The following MCF2L variants were observed in gnomAD, a reference collection of about 807,000 sequenced individuals.
MCF2L encodes the protein MCF.2 cell line derived transforming sequence like.
In MCF2L, 97 loss-of-function variants were observed where a neutral mutation model predicts 153.4. The observed-to-expected ratio is 0.63, with a 90% CI of 0.54 to 0.75. The LOEUF (loss-of-function observed/expected upper bound fraction) is 0.75. MCF2L is among the 30% of genes least tolerant of loss of function. MCF2L has a pLI of 0.00. For missense variants in MCF2L, 1,347 were observed against 1,495.2 expected, an observed-to-expected ratio of 0.90 and a Z score of 1.64; for synonymous variants, 659 against 632.2, an observed-to-expected ratio of 1.04 and a Z score of -0.64.
intron 1 of MCF2L, chr13:113,001,848 T>TAGA (rs1202964302): frequency 4.4e-5 from 68 of 1,528,658 alleles, no homozygotes; most frequent in South Asian, 1.6e-4. Context: ...GCGCCATCCT[T>TAGA]TGTGTGCCCG....
intron 1 of MCF2L, among the ~76,000 whole-genome samples, chr13:112,982,202 C>G (rs1046355566): frequency 6.6e-6 from 1 of 152,206 alleles, no homozygotes; most frequent in African/African-American, 2.4e-5. Context: ...CAGAGAAGCC[C>G]CACGTACTCC....
intron 9 of MCF2L, among the ~76,000 whole-genome samples, chr13:113,071,376 A>C (rs773297387): frequency 4.6e-5 from 7 of 152,168 alleles, no homozygotes; most frequent in Non-Finnish European, 8.8e-5. Context: ...CCTCTTTAAC[A>C]GGGTTTTTCA....
intron 1 of MCF2L, among the ~76,000 whole-genome samples, chr13:113,006,063 C>G (rs551107388): frequency 1.3e-5 from 2 of 152,164 alleles, no homozygotes; most frequent in South Asian, 4.1e-4. Context: ...AATGGGAGGC[C>G]GTGCCCTGCC....
chr13:112,933,452 C>T (rs1477881446), intron 2 of MCF2L, among the ~76,000 whole-genome samples: 4 of 152,232 alleles, frequency 2.6e-5, no homozygotes, highest in East Asian at 3.8e-4. Flanking sequence ...GGTCCAGCCT[C>T]GTGCTGCCCG....
chr13:112,999,890 C>T (rs1483240926), intron 1 of MCF2L, among the ~76,000 whole-genome samples: 1 of 152,204 alleles, frequency 6.6e-6, no homozygotes, highest in Non-Finnish European at 1.5e-5. Context: ...CTGCAGGCCC[C>T]AGAGCACAGG....
intron 4 of MCF2L, among the ~76,000 whole-genome samples, chr13:113,048,953 C>T (rs1251875976): frequency 6.6e-6 from 1 of 152,156 alleles, no homozygotes; most frequent in African/African-American, 2.4e-5. Context: ...GGGGAGGGGG[C>T]AGAGTTAGGC....
chr13:113,091,271 G>T, intron 26 of MCF2L: 1 of 1,228,304 alleles, frequency 8.1e-7, no homozygotes, highest in Non-Finnish European at 1.1e-6. Flanking sequence ...TCAGGTGGCC[G>T]TCAAGGCCAC....
chr13:113,001,863 G>T, intron 1 of MCF2L: 2 of 1,552,220 alleles, frequency 1.3e-6, no homozygotes, highest in East Asian at 2.4e-5. Context: ...TGCCCGGGAA[G>T]GGCGTTCCGG....
At chr13:112,987,329 CAGGGCTCG>C (rs1354752145) in intron 1 of MCF2L, among the ~76,000 whole-genome samples, 1 of 18,378 alleles carries the variant, frequency 5.4e-5, no homozygotes, top group African/African-American at 1.1e-4. Flanking sequence ...GGACGCAGCC[CAGGGCTCG>C]TTGTCTGCCC....
In MCF2L at chr13:113,064,273, A is replaced by C; in HGVS notation, c.490-31A>C. On this transcript the variant is annotated intron_variant, in intron 5 of 29. Coordinates refer to ENST00000535094, the MANE Select transcript of MCF2L (RefSeq NM_001112732.3). This position sits in a 1 kb window ranked among gnomAD's most constrained non-coding sequence, Gnocchi z 6.0. ...CTTTTGGGAGCCAACAATAATCCCAAACACTACCACGCATTCCCTTTCTCC... is the reference window on the plus strand; with the variant it reads ...CTTTTGGGAGCCAACAATAATCCCACACACTACCACGCATTCCCTTTCTCC... 6.6e-7 allele frequency: 1 copy of C among 1,512,460 alleles called. No individual in the cohort carries two copies. Among genetic ancestry groups the C allele is most frequent in the Non-Finnish European group, 9.2e-7 (1 of 1,088,862 alleles). The allele number at this position is 1,512,460 out of a possible 1,614,324, so 93.7% of individuals were successfully genotyped here. A position where few individuals can be genotyped will look rare whatever the true frequency, so the allele number is the denominator to read the frequency against.
chr13:113,087,146 T>G, intron 21 of MCF2L, 89 bp from the exon 22 acceptor site: 1 of 1,180,196 alleles, frequency 8.5e-7, no homozygotes. Flanking sequence ...TGGGTGGGCT[T>G]TGCAGAGTGG....
intron 2 of MCF2L, among the ~76,000 whole-genome samples, chr13:112,946,165 A>G (rs990636990): frequency 3.9e-5 from 6 of 152,196 alleles, no homozygotes; most frequent in African/African-American, 1.4e-4. Context: ...TTTTTATTTG[A>G]AATGTCAAAA....
rs1437503981 is a variant in MCF2L at position 113,096,476 on chromosome 13, G to A, written c.3181G>A (p.Gly1061Ser). ...GGAGCTGGTGCAGGAGGGCGACGAG[G>A]GCCTCTGGTAAGACCCCGCGCTCAG... Reference protein sequence around the residue: ...VVELVQEGDEGLWYVRDPTTG... With the variant: ...VVELVQEGDESLWYVRDPTTG... Residue 1061 changes from glycine (G) to serine (S), a missense_variant, in exon 28 of 30, where the codon GGC becomes AGC. By Grantham distance (56) the Gly-to-Ser change is moderately conservative. Transcript: ENST00000535094. The A allele has an allele frequency of 6.3e-7, 1 of 1,588,342 alleles. No homozygotes were observed. The highest frequency in any genetic ancestry group is 2.3e-5 in the East Asian group (1 of 43,600).
At position 113,052,171 on chromosome 13, in the gene MCF2L, G is replaced by A. The variant is rs563900422; in HGVS notation, c.369+6810G>A. Among the ~76,000 whole-genome samples the A allele has an allele frequency of 3.9e-5, 6 of 152,322 alleles. No homozygotes were observed. In the South Asian group the frequency reaches 6.2e-4, roughly 16 times the overall value. ...ATAGCAAAACATCACTGGGTGCCCC[G>A]TAAGTAGATACAATCATGATTTGTC... is the stretch of plus-strand genomic sequence containing the variant. On this transcript the variant is annotated intron_variant, in intron 4 of 29. Coordinates refer to ENST00000535094, the MANE Select transcript of MCF2L (RefSeq NM_001112732.3).
intron 3 of MCF2L, among the ~76,000 whole-genome samples, chr13:113,029,629 G>T (rs2085520383): frequency 6.6e-6 from 1 of 152,214 alleles, no homozygotes; most frequent in Non-Finnish European, 1.5e-5. Flanking sequence ...AGTACCCTCT[G>T]CGGGGGACCC....
chr13:112,939,422 A>G (rs914902119), intron 2 of MCF2L, among the ~76,000 whole-genome samples: 13 of 152,132 alleles, frequency 8.5e-5, no homozygotes, highest in Non-Finnish European at 2.9e-5. Context: ...TGCCCAGTGC[A>G]TGCCCCCACT....
intron 2 of MCF2L, among the ~76,000 whole-genome samples, chr13:112,919,413 G>A (rs1425614498): frequency 6.6e-6 from 1 of 151,712 alleles, no homozygotes; most frequent in Non-Finnish European, 1.5e-5. Context: ...CACCGTTTTA[G>A]CCGGGATGCT....
At chr13:113,090,349 C>A (rs1049468707) in intron 26 of MCF2L, 1 of 985,328 alleles carries the variant, frequency 1.0e-6, no homozygotes, top group African/African-American at 1.7e-5. Flanking sequence ...GGCTTTCCTT[C>A]GGGAAAATGA....
In MCF2L at chr13:113,074,989, C is replaced by T. The variant is rs772230285; in HGVS notation, c.1117-9C>T. ...GGCCTGAGCTGGTCCTCTGGGTGGC[C>T]GTCCACAGGTGGCCGTGGAGAGGGC... On this transcript the variant is annotated splice_polypyrimidine_tract_variant and intron_variant, in intron 10 of 29. Transcript: ENST00000535094. This position sits in a 1 kb window ranked among gnomAD's most constrained non-coding sequence, Gnocchi z 4.2. 1.1e-5 allele frequency: 17 copies of T among 1,590,142 alleles called. No individual in the cohort carries two copies. Among genetic ancestry groups the T allele is most frequent in the South Asian group, 1.0e-4 (9 of 89,750 alleles).
Sources: gnomAD v4.1 joint callset for allele counts (sites outside exome capture counted in the v4.1 genomes callset) on GRCh38, gnomAD v4.1.1 for gene constraint, Gnocchi (gnomAD v3.1) non-coding constraint, MANE v1.5 for transcripts, NCBI Gene and HGNC (gene_info 2026-07-23, HGNC 2026-07-21) for gene names.